Variants in WAC observed in about 807,000 individuals in gnomAD.
WAC encodes the protein WW domain containing adaptor with coiled-coil.
In WAC, 11 loss-of-function variants were observed where a neutral mutation model predicts 79.6. The ratio of observed to expected loss-of-function variants is 0.14; its 90% confidence interval spans 0.09 to 0.23. The LOEUF (loss-of-function observed/expected upper bound fraction) is 0.23, where lower values mean the gene tolerates loss of function less well. Ranked by LOEUF, WAC falls within the 10% of genes least tolerant of loss-of-function variation. The probability of loss-of-function intolerance (pLI) is 1.00; values close to 1 mark genes in which losing one functional copy is unlikely to be tolerated. For synonymous variants in WAC, 304 were observed against 276.9 expected (o/e 1.10, Z -0.97); for missense variants, 728 against 773.5 (o/e 0.94, Z 0.70).
intron 3 of WAC, among the ~76,000 whole-genome samples, chr10:28,574,675 C>T (rs1251223261): frequency 1.3e-5 from 2 of 152,212 alleles, no homozygotes; most frequent in Non-Finnish European, 2.9e-5. Flanking sequence ...AACTCCTGAG[C>T]TCAGGCAATC....
chr10:28,597,664 A>G (rs1840451932), intron 7 of WAC, among the ~76,000 whole-genome samples: 1 of 152,142 alleles, frequency 6.6e-6, no homozygotes, highest in African/African-American at 2.4e-5. Flanking sequence ...TTACGTATCT[A>G]CTTACCTTCT....
At chr10:28,611,567 C>T in intron 9 of WAC, 1 of 1,299,886 alleles carries the variant, frequency 7.7e-7, no homozygotes, top group East Asian at 2.7e-5. Flanking sequence ...ACTGGGTGTG[C>T]TTACCTCTGA....
At chr10:28,577,671 G>A (rs1839315757) in intron 3 of WAC, among the ~76,000 whole-genome samples, 1 of 152,180 alleles carries the variant, frequency 6.6e-6, no homozygotes, top group Non-Finnish European at 1.5e-5. Context: ...TCTTGGGAAG[G>A]TACTGACCTG....
At chr10:28,539,704 A>C (rs1379404525) in intron 3 of WAC, among the ~76,000 whole-genome samples, 2 of 151,954 alleles carry the variant, frequency 1.3e-5, no homozygotes, top group Non-Finnish European at 2.9e-5. Flanking sequence ...GATTACAAAC[A>C]TACGCCATCA....
At chr10:28,540,631 T>C (rs1259363935) in intron 3 of WAC, among the ~76,000 whole-genome samples, 2 of 152,238 alleles carry the variant, frequency 1.3e-5, no homozygotes, top group Non-Finnish European at 2.9e-5. Context: ...AAACATTGCA[T>C]AGAATATAAT....
chr10:28,558,003 G>A (rs539565353), intron 3 of WAC, among the ~76,000 whole-genome samples: 35 of 152,246 alleles, frequency 2.3e-4, no homozygotes, highest in African/African-American at 7.5e-4. Context: ...GAACCCAGGA[G>A]GCGGAAGTTG....
intron 3 of WAC, among the ~76,000 whole-genome samples, chr10:28,563,442 C>T (rs1031333501): frequency 6.6e-6 from 1 of 152,074 alleles, no homozygotes; most frequent in African/African-American, 2.4e-5. Flanking sequence ...TAACAGTAAT[C>T]AGTTAAGTTT....
chr10:28,573,550 A>T (rs1348392564), intron 3 of WAC, among the ~76,000 whole-genome samples: 2 of 152,222 alleles, frequency 1.3e-5, no homozygotes, highest in African/African-American at 4.8e-5. Flanking sequence ...AGAGAATGTC[A>T]GTACAGCTTA....
chr10:28,577,518 T>C (rs977728088), intron 3 of WAC, among the ~76,000 whole-genome samples: 2 of 152,190 alleles, frequency 1.3e-5, no homozygotes, highest in Admixed American at 6.5e-5. Flanking sequence ...ACATTTATCA[T>C]GTTATAGCAG....
intron 8 of WAC, among the ~76,000 whole-genome samples, chr10:28,609,926 CTTTTT>C (rs35905966): frequency 8.6e-6 from 1 of 115,676 alleles, no homozygotes; most frequent in Non-Finnish European, 1.7e-5. Context: ...TTCCTAAATA[CTTTTT>C]TTTTTTTTTT....
At chr10:28,563,194 C>T (rs1219813815) in intron 3 of WAC, among the ~76,000 whole-genome samples, 5 of 152,024 alleles carry the variant, frequency 3.3e-5, no homozygotes, top group African/African-American at 7.2e-5. Context: ...TGTGAGTCAC[C>T]GCATGTGGCC....
chr10:28,599,800 G>A (rs1840552512), intron 7 of WAC, among the ~76,000 whole-genome samples: 1 of 152,138 alleles, frequency 6.6e-6, no homozygotes, highest in African/African-American at 2.4e-5. Flanking sequence ...TAGGTAGAGT[G>A]AAACAAGGGA....
intron 7 of WAC, among the ~76,000 whole-genome samples, chr10:28,598,517 T>C (rs1262380821): frequency 6.6e-6 from 1 of 152,264 alleles, no homozygotes; most frequent in Non-Finnish European, 1.5e-5. Context: ...TTTTGTACTT[T>C]GTTCACCTTC....
intron 2 of WAC, among the ~76,000 whole-genome samples, chr10:28,534,761 A>G (rs1238846220): frequency 6.6e-6 from 1 of 152,252 alleles, no homozygotes; most frequent in Admixed American, 6.5e-5. Flanking sequence ...TTAAAGGACT[A>G]GAGAGCAGGT....
chr10:28,584,925 T>C (rs1839739107), intron 4 of WAC, among the ~76,000 whole-genome samples: 1 of 151,980 alleles, frequency 6.6e-6, no homozygotes, highest in Admixed American at 6.6e-5. Context: ...AAAGTTATCC[T>C]GGCATGGTGG....
intron 3 of WAC, among the ~76,000 whole-genome samples, chr10:28,576,929 T>A (rs1015340231): frequency 3.9e-5 from 6 of 152,208 alleles, no homozygotes; most frequent in African/African-American, 1.2e-4. Flanking sequence ...TTTGTTTTTT[T>A]ACCTAAGTCT....
intron 13 of WAC, 66 bp downstream of exon 13, chr10:28,617,850 A>T (rs991270510): frequency 6.8e-7 from 1 of 1,467,624 alleles, no homozygotes; most frequent in African/African-American, 1.5e-5. Flanking sequence ...CGAACTAAAG[A>T]ATGTAAATCA....
intron 7 of WAC, among the ~76,000 whole-genome samples, chr10:28,597,791 C>G (rs1261539958): frequency 6.6e-6 from 1 of 152,132 alleles, no homozygotes; most frequent in Non-Finnish European, 1.5e-5. Context: ...CCTAACTTTG[C>G]CTTATTCTTA....
intron 3 of WAC, among the ~76,000 whole-genome samples, chr10:28,576,648 G>A (rs974184826): frequency 6.6e-6 from 1 of 152,144 alleles, no homozygotes; most frequent in Non-Finnish European, 1.5e-5. Context: ...GCAGATTTTG[G>A]TTCTAGACTC....
Sources: allele counts gnomAD v4.1 joint callset (sites outside exome capture counted in the v4.1 genomes callset), GRCh38; gene constraint gnomAD v4.1.1; transcripts MANE v1.5; gene names NCBI Gene and HGNC (gene_info 2026-07-23, HGNC 2026-07-21).